Variants in ACACB observed in about 807,000 individuals in gnomAD.
ACACB encodes acetyl-CoA carboxylase 2.
Under a neutral mutation model 278.8 loss-of-function variants are expected in ACACB, and 209 were observed. That is an observed-to-expected ratio of 0.75 (90% confidence interval 0.67 to 0.84). The LOEUF is 0.84. Ranked by LOEUF, ACACB falls within the 40% of genes least tolerant of loss-of-function variation. The probability of loss-of-function intolerance (pLI) is 0.00; values close to 1 mark genes in which losing one functional copy is unlikely to be tolerated. For missense variants in ACACB, 2,850 were observed against 3,269.0 expected (o/e 0.87, Z 3.13); for synonymous variants, 1,174 against 1,285.6 (o/e 0.91, Z 1.86).
At chr12:109,137,408 C>T (rs931929471) in intron 1 of ACACB, among the ~76,000 whole-genome samples, 3 of 152,096 alleles carry the variant, frequency 2.0e-5, no homozygotes, top group Non-Finnish European at 4.4e-5. Flanking sequence ...GCCTGTAATC[C>T]TAGCACTTTG....
At chr12:109,149,055 T>C (rs2043308509) in intron 2 of ACACB, among the ~76,000 whole-genome samples, 1 of 152,156 alleles carries the variant, frequency 6.6e-6, no homozygotes, top group Non-Finnish European at 1.5e-5. Context: ...CCCAGAGACA[T>C]TCCAGGCCTC....
chr12:109,141,346 G>A lies in ACACB; in HGVS notation c.653+1288G>A, dbSNP rs139240993. ...ATGCCTGTAGGTTCATAACAGGTGG[G>A]ACTATCCCAGCGGCTGCAGTCAGTG... On this transcript the variant is annotated intron_variant, in intron 2 of 52. Coordinates refer to ENST00000338432, the MANE Select transcript of ACACB (RefSeq NM_001093.4). 2.0e-5 allele frequency among the ~76,000 whole-genome samples: 3 copies of A among 152,320 alleles called. No individual in the cohort carries two copies. In the East Asian group the frequency reaches 5.8e-4, roughly 29 times the overall value.
rs139062970 is a variant in ACACB at position 109,262,359 on chromosome 12, G to A, written c.6677G>A (p.Gly2226Asp). Residue 2226 changes from glycine to aspartate, a missense_variant and splice_region_variant, in exon 49 of 53, where the codon GGT (glycine) becomes GAT (aspartate). Physicochemically the swap from Gly to Asp is moderately conservative, Grantham distance 94. Transcript: ENST00000338432. ...IEMYADKESR[G>D]GVLEPEGTVE... ...ATCCCTGCCTCTTCTCTTTTAAGGG[G>A]TGGTGTTCTGGAACCAGAGGGGACA... 1.2e-6 allele frequency: 2 copies of A among 1,612,458 alleles called. No individual in the cohort carries two copies. Among genetic ancestry groups the A allele is most frequent in the Non-Finnish European group, 8.5e-7 (1 of 1,179,034 alleles).
At chr12:109,181,435 C>T (rs1460077667) in intron 11 of ACACB, among the ~76,000 whole-genome samples, 1 of 151,944 alleles carries the variant, frequency 6.6e-6, no homozygotes. Context: ...ACCATATTGG[C>T]CAGGCTGGTC....
intron 49 of ACACB, chr12:109,262,948 C>CT (rs1565985617): frequency 4.4e-5 from 1 of 22,714 alleles, no homozygotes; most frequent in Non-Finnish European, 1.6e-4. Context: ...ACCTTTTTAA[C>CT]ATTATATATA....
intron 1 of ACACB, among the ~76,000 whole-genome samples, chr12:109,138,570 T>A (rs901054058): frequency 4.0e-5 from 6 of 149,746 alleles, no homozygotes; most frequent in Non-Finnish European, 5.9e-5. Flanking sequence ...TAAGAGTCTT[T>A]AAAAAAAAAA....
chr12:109,148,776 T>A (rs2043302335), intron 2 of ACACB, among the ~76,000 whole-genome samples: 1 of 152,152 alleles, frequency 6.6e-6, no homozygotes, highest in Non-Finnish European at 1.5e-5. Context: ...TTCTGCTTAG[T>A]AAATGTGCCT....
Position 109,210,014 on chromosome 12 carries a change from TAC to T in ACACB, c.3249+666_3249+667del, listed in dbSNP as rs57240851. Among the ~76,000 whole-genome samples the T allele has an allele frequency of 8.5e-3, 808 of 94,838 alleles. 157 individuals carry two copies. Among genetic ancestry groups the T allele is most frequent in the African/African-American group, 0.037 (755 of 20,388 alleles). 62.2% of individuals were successfully genotyped at this position (94,838 alleles called of 152,430 possible). On this transcript the variant is annotated intron_variant, in intron 21 of 52. Coordinates refer to ENST00000338432, the MANE Select transcript of ACACB (RefSeq NM_001093.4). Reference sequence around the variant, plus strand: ...GTATATATGTGTATATGTGTATATATACACACGTGTGTATATATGTGTATATG... The same window carrying T: ...GTATATATGTGTATATGTGTATATATACACGTGTGTATATATGTGTATATG...
intron 2 of ACACB, among the ~76,000 whole-genome samples, chr12:109,149,831 G>C (rs529843996): frequency 6.6e-6 from 1 of 152,320 alleles, no homozygotes; most frequent in African/African-American, 2.4e-5. Flanking sequence ...CCAGGGCAAG[G>C]GGTCTGAGAG....
At chr12:109,112,688 C>CAAAAA (rs57131257), upstream of ACACB, among the ~76,000 whole-genome samples, 1 of 103,334 alleles carries the variant, frequency 9.7e-6, no homozygotes, top group Non-Finnish European at 2.1e-5. Flanking sequence ...AACTCCGTCT[C>CAAAAA]AAAAAAAAAA....
At chr12:109,241,319 C>T in intron 36 of ACACB, 38 bp downstream of exon 36, 1 of 1,588,746 alleles carries the variant, frequency 6.3e-7, no homozygotes, top group Non-Finnish European at 8.6e-7. Flanking sequence ...TAAGTCAAAG[C>T]AGAAGCAGGC....
chr12:109,114,623 C>T (rs145664606), upstream of ACACB, among the ~76,000 whole-genome samples: 24 of 151,750 alleles, frequency 1.6e-4, no homozygotes, highest in East Asian at 1.9e-3. Context: ...GCAAGAAGAT[C>T]GCTTTAGGCC....
At chr12:109,152,902 C>T (rs1308820201) in intron 2 of ACACB, among the ~76,000 whole-genome samples, 1 of 151,984 alleles carries the variant, frequency 6.6e-6, no homozygotes, top group African/African-American at 2.4e-5. Flanking sequence ...CCTCGGCCTC[C>T]CAAAGTGCTG....
chr12:109,166,458 C>T (rs539962404), intron 2 of ACACB, among the ~76,000 whole-genome samples: 34 of 151,366 alleles, frequency 2.2e-4, no homozygotes, highest in African/African-American at 8.0e-4. Context: ...AAGGCTTTGA[C>T]GTCACTTGAC....
chr12:109,115,906 T>A (rs1433793517), upstream of ACACB, among the ~76,000 whole-genome samples: 2 of 152,248 alleles, frequency 1.3e-5, no homozygotes, highest in Non-Finnish European at 2.9e-5. Flanking sequence ...CTGAGCACAA[T>A]GTGCTCCTAT....
chr12:109,160,126 C>T (rs1014901522), intron 2 of ACACB, among the ~76,000 whole-genome samples: 21 of 148,618 alleles, frequency 1.4e-4, no homozygotes, highest in Non-Finnish European at 2.8e-4. Flanking sequence ...AAACAAAAAA[C>T]CTCAGCATTA....
At chr12:109,162,110 G>A (rs2043747357) in intron 2 of ACACB, among the ~76,000 whole-genome samples, 1 of 151,964 alleles carries the variant, frequency 6.6e-6, no homozygotes, top group African/African-American at 2.4e-5. Context: ...CCCAGTAGCT[G>A]AGACTACAGG....
intron 1 of ACACB, among the ~76,000 whole-genome samples, chr12:109,123,261 C>T (rs1281875968): frequency 1.3e-5 from 2 of 152,070 alleles, no homozygotes; most frequent in African/African-American, 4.8e-5. Context: ...TTAGATTCTG[C>T]CATTACCATT....
At chr12:109,189,716 T>C (rs1456250462) in intron 13 of ACACB, among the ~76,000 whole-genome samples, 1 of 152,178 alleles carries the variant, frequency 6.6e-6, no homozygotes, top group Non-Finnish European at 1.5e-5. Flanking sequence ...ATGGATACCC[T>C]TGTATGACCT....
Sources: gnomAD v4.1 joint callset for allele counts (sites outside exome capture counted in the v4.1 genomes callset) on GRCh38, gnomAD v4.1.1 for gene constraint, MANE v1.5 for transcripts, NCBI Gene and HGNC (gene_info 2026-07-23, HGNC 2026-07-21) for gene names.